PCDH15: variants seen among roughly 807,000 people sequenced by gnomAD.
The protein encoded by PCDH15 is protocadherin-15.
PCDH15 carries 129 observed loss-of-function variants against 178.5 expected under a neutral mutation model. The observed-to-expected ratio is 0.72, with a 90% CI of 0.63 to 0.84. The LOEUF (loss-of-function observed/expected upper bound fraction) is 0.84, where lower values mean the gene tolerates loss of function less well. Ranked by LOEUF, PCDH15 falls within the 40% of genes least tolerant of loss-of-function variation. The pLI is 0.00. For missense variants in PCDH15, 2,230 were observed against 2,099.9 expected (o/e 1.06, Z -1.21); for synonymous variants, 800 against 732.0 (o/e 1.09, Z -1.50).
At chr10:53,902,814 TTTCA>T (rs1368606803) in intron 26 of PCDH15, among the ~76,000 whole-genome samples, 2 of 152,086 alleles carry the variant, frequency 1.3e-5, no homozygotes, top group African/African-American at 4.8e-5. Context: ...ATTTTTTTAC[TTTCA>T]TTCAATCAGC....
chr10:55,354,030 T>C (rs1043911844), intron 2 of PCDH15, among the ~76,000 whole-genome samples: 7 of 152,070 alleles, frequency 4.6e-5, no homozygotes, highest in African/African-American at 1.7e-4. Context: ...TCACTCCTGA[T>C]GCCTGAGATT....
At chr10:55,397,128 A>T (rs1456702091) in intron 2 of PCDH15, among the ~76,000 whole-genome samples, 2 of 152,228 alleles carry the variant, frequency 1.3e-5, no homozygotes, top group African/African-American at 4.8e-5. Flanking sequence ...AACTAGATGT[A>T]ATAGCTACAA....
intron 2 of PCDH15, among the ~76,000 whole-genome samples, chr10:54,928,179 C>T (rs1564636597): frequency 6.6e-6 from 1 of 152,066 alleles, no homozygotes; most frequent in Admixed American, 6.6e-5. Flanking sequence ...TATCTTATTT[C>T]TCCTTCACTT....
intron 2 of PCDH15, among the ~76,000 whole-genome samples, chr10:54,935,829 T>C (rs539294565): frequency 2.8e-4 from 42 of 152,214 alleles, no homozygotes; most frequent in African/African-American, 9.4e-4. Context: ...ATTCCATAAC[T>C]GTGAGACATG....
intron 3 of PCDH15, among the ~76,000 whole-genome samples, chr10:54,875,555 A>C (rs2131800010): frequency 6.6e-6 from 1 of 152,320 alleles, no homozygotes; most frequent in Non-Finnish European, 1.5e-5. Context: ...AGAAGTTCTT[A>C]AAGGAAATTC....
intron 2 of PCDH15, among the ~76,000 whole-genome samples, chr10:55,516,548 C>G (rs1427838146): frequency 6.6e-6 from 1 of 152,094 alleles, no homozygotes; most frequent in African/African-American, 2.4e-5. Context: ...CCTGATTCTC[C>G]CTTGGAGATG....
intron 1 of PCDH15, among the ~76,000 whole-genome samples, chr10:54,671,810 C>T (rs1590958918): frequency 6.6e-6 from 1 of 152,182 alleles, no homozygotes; most frequent in East Asian, 1.9e-4. Context: ...CCTAAAGTAG[C>T]TCATAATGAA....
At chr10:55,401,149 G>T (rs191784139) in intron 2 of PCDH15, among the ~76,000 whole-genome samples, 2 of 152,106 alleles carry the variant, frequency 1.3e-5, no homozygotes, top group Admixed American at 6.6e-5. Flanking sequence ...CCAAACAATT[G>T]ATTCACAAAC....
intron 5 of PCDH15, among the ~76,000 whole-genome samples, chr10:54,363,416 G>A (rs917433081): frequency 2.6e-5 from 4 of 151,928 alleles, no homozygotes; most frequent in Non-Finnish European, 4.4e-5. Flanking sequence ...TACCATTTTC[G>A]TTTTCAGGTG....
intron 2 of PCDH15, among the ~76,000 whole-genome samples, chr10:55,411,907 T>C (rs1289457992): frequency 1.3e-5 from 2 of 152,010 alleles, no homozygotes; most frequent in Non-Finnish European, 2.9e-5. Flanking sequence ...AAGATAGACA[T>C]ATAAATGATA....
At chr10:53,852,344 A>AATCTG (rs1465481329) in intron 28 of PCDH15, among the ~76,000 whole-genome samples, 1 of 152,146 alleles carries the variant, frequency 6.6e-6, no homozygotes, top group Non-Finnish European at 1.5e-5. Context: ...TCAACTTAAA[A>AATCTG]TACGTCAGAG....
In PCDH15 at chr10:55,079,090, G is replaced by A. The variant is rs147432837; in HGVS notation, c.-80+87486C>T. ...AATATTTAGAATCCTTTTTTATTCT[G>A]GGATTTTGGGACTTTCTTTTTTATT... On this transcript the variant is annotated intron_variant, in intron 2 of 5. Transcript: ENST00000458638. Among the ~76,000 whole-genome samples the A allele has an allele frequency of 4.7e-3, 710 of 152,026 alleles. 3 individuals are homozygous for A. Among genetic ancestry groups the A allele is most frequent in the Admixed American group, 8.5e-3 (130 of 15,272 alleles).
intron 2 of PCDH15, among the ~76,000 whole-genome samples, chr10:55,388,162 G>C (rs1837706867): frequency 6.6e-6 from 1 of 151,956 alleles, no homozygotes; most frequent in Non-Finnish European, 1.5e-5. Context: ...ACGTTTTTCA[G>C]ATGCTCTTGG....
intron 21 of PCDH15, among the ~76,000 whole-genome samples, chr10:53,982,456 G>A (rs1422325449): frequency 1.3e-5 from 2 of 152,046 alleles, no homozygotes; most frequent in Non-Finnish European, 1.5e-5. Context: ...TTAAGAAACT[G>A]TGGCACATAT....
chr10:53,907,726 A>G (rs892313503), intron 25 of PCDH15, among the ~76,000 whole-genome samples: 78 of 152,162 alleles, frequency 5.1e-4, no homozygotes, highest in African/African-American at 1.8e-3. Flanking sequence ...GTTTTAAAGA[A>G]AGAGAAAATA....
At chr10:54,445,199 C>A (rs1196455210) in intron 3 of PCDH15, among the ~76,000 whole-genome samples, 1 of 151,098 alleles carries the variant, frequency 6.6e-6, no homozygotes, top group African/African-American at 2.4e-5. Flanking sequence ...ATTTTTTTCT[C>A]CATAAATGCT....
chr10:54,964,361 C>A (rs1459932884), intron 2 of PCDH15, among the ~76,000 whole-genome samples: 2 of 152,268 alleles, frequency 1.3e-5, no homozygotes, highest in East Asian at 1.9e-4. Context: ...CCTAAGTCCC[C>A]AAACACTTAG....
intron 2 of PCDH15, among the ~76,000 whole-genome samples, chr10:54,902,126 T>C (rs904285243): frequency 5.3e-5 from 8 of 152,238 alleles, no homozygotes; most frequent in African/African-American, 1.7e-4. Context: ...GTCTCATTTA[T>C]ATTCAAAGAA....
At position 54,302,617 on chromosome 10, in the gene PCDH15, C is replaced by A. The variant is rs1236156378; in HGVS notation, c.876+14654G>T. The stretch of plus-strand genomic sequence containing the variant: ...GGTGCCTTTATCTTAGAATGCCAAC[C>A]TCCAGAACTGTCAGAAATAAATTTT... On this transcript the variant is annotated intron_variant, in intron 8 of 37. Transcript: ENST00000644397. 2.0e-5 allele frequency among the ~76,000 whole-genome samples: 3 copies of A among 152,096 alleles called. No individual in the cohort carries two copies. In the East Asian group the frequency reaches 5.8e-4, roughly 29 times the overall value.
Sources: gnomAD v4.1 joint callset for allele counts (sites outside exome capture counted in the v4.1 genomes callset) on GRCh38, gnomAD v4.1.1 for gene constraint, MANE v1.5 for transcripts, NCBI Gene and HGNC (gene_info 2026-07-23, HGNC 2026-07-21) for gene names.